Variants in MAGI2 observed in about 807,000 individuals in gnomAD.
The protein encoded by MAGI2 is membrane associated guanylate kinase, WW and PDZ domain containing 2.
A neutral mutation model predicts 133.3 loss-of-function variants in MAGI2; 35 were observed. The observed-to-expected ratio is 0.26, with a 90% CI of 0.20 to 0.35. The LOEUF is 0.35. Ranked by LOEUF, MAGI2 falls within the 10% of genes least tolerant of loss-of-function variation. The pLI is 1.00. For synonymous variants in MAGI2, 729 were observed against 710.6 expected (o/e 1.03, Z -0.41); for missense variants, 1,636 against 1,863.4 (o/e 0.88, Z 2.25).
At chr7:79,214,403 C>CTA (rs1563003342) in intron 1 of MAGI2, among the ~76,000 whole-genome samples, 34 of 41,440 alleles carry the variant, frequency 8.2e-4, no homozygotes, top group East Asian at 1.7e-3. Context: ...CTCTCTCTCT[C>CTA]TCTCTATATA....
At chr7:79,119,036 G>A (rs1819652655) in intron 1 of MAGI2, among the ~76,000 whole-genome samples, 2 of 152,076 alleles carry the variant, frequency 1.3e-5, no homozygotes, top group African/African-American at 2.4e-5. Context: ...TGGTCACAGA[G>A]TTTCAGTTCT....
chr7:78,895,381 G>A (rs931791778), intron 2 of MAGI2, among the ~76,000 whole-genome samples: 8 of 152,044 alleles, frequency 5.3e-5, no homozygotes, highest in Non-Finnish European at 8.8e-5. Context: ...CCATTATAGC[G>A]ACAGAAAATG....
At chr7:79,094,887 G>A (rs1817386421) in intron 1 of MAGI2, among the ~76,000 whole-genome samples, 2 of 152,128 alleles carry the variant, frequency 1.3e-5, no homozygotes, top group South Asian at 4.1e-4. Flanking sequence ...ATGGAACATG[G>A]GTAGAATAGA....
intron 2 of MAGI2, among the ~76,000 whole-genome samples, chr7:78,802,229 CCTT>C (rs1014349947): frequency 1.3e-5 from 2 of 152,130 alleles, no homozygotes; most frequent in African/African-American, 4.8e-5. Flanking sequence ...TTTTCATAGT[CCTT>C]CTTCATTCTC....
At chr7:78,073,847 C>A (rs1475098206) in intron 21 of MAGI2, among the ~76,000 whole-genome samples, 1 of 152,170 alleles carries the variant, frequency 6.6e-6, no homozygotes, top group Non-Finnish European at 1.5e-5. Flanking sequence ...ATAGCAATAA[C>A]CAGGGTGAAG....
intron 1 of MAGI2, among the ~76,000 whole-genome samples, chr7:79,106,152 A>C (rs540654445): frequency 1.7e-4 from 26 of 152,312 alleles, no homozygotes; most frequent in Admixed American, 4.6e-4. Flanking sequence ...ACATGCAGCA[A>C]ATTGGATGAA....
At chr7:79,449,877 C>CATACATATATATATATATATAT (rs1554488321) in intron 1 of MAGI2, among the ~76,000 whole-genome samples, 1 of 120,626 alleles carries the variant, frequency 8.3e-6, no homozygotes, top group African/African-American at 3.0e-5. Flanking sequence ...GAGATATATA[C>CATACATATATATATATATATAT]ATATATATAT....
chr7:78,536,543 C>T (rs192321373), intron 3 of MAGI2, among the ~76,000 whole-genome samples: 79 of 152,138 alleles, frequency 5.2e-4, no homozygotes, highest in Non-Finnish European at 9.9e-4. Flanking sequence ...ACGATGGTAC[C>T]AATTAGGTTC....
At chr7:78,931,089 T>G (rs150479976) in intron 2 of MAGI2, among the ~76,000 whole-genome samples, 53 of 152,138 alleles carry the variant, frequency 3.5e-4, no homozygotes, top group Non-Finnish European at 6.6e-4. Flanking sequence ...GAAGGGAAAC[T>G]CATGAGATAA....
At chr7:79,208,566 T>G (rs1293948240) in intron 1 of MAGI2, among the ~76,000 whole-genome samples, 1 of 151,936 alleles carries the variant, frequency 6.6e-6, no homozygotes, top group Non-Finnish European at 1.5e-5. Context: ...AGAGAATCCT[T>G]GTACACTGCT....
intron 9 of MAGI2, among the ~76,000 whole-genome samples, chr7:78,334,357 G>C (rs537147582): frequency 8.5e-6 from 1 of 117,732 alleles, no homozygotes; most frequent in African/African-American, 3.1e-5. Context: ...GGGTAAAAAG[G>C]GTAACTAAGA....
chr7:79,282,064 A>T (rs180858331), intron 1 of MAGI2, among the ~76,000 whole-genome samples: 1 of 152,344 alleles, frequency 6.6e-6, no homozygotes, highest in Admixed American at 6.5e-5. Flanking sequence ...CAATGAAAAG[A>T]TCTCTTTCCA....
At chr7:79,428,246 T>C (rs1449858558) in intron 1 of MAGI2, among the ~76,000 whole-genome samples, 2 of 152,164 alleles carry the variant, frequency 1.3e-5, no homozygotes, top group African/African-American at 2.4e-5. Context: ...TCTGAACATA[T>C]AAGACTGTGT....
At chr7:78,046,517 C>T (rs559011379) in intron 21 of MAGI2, among the ~76,000 whole-genome samples, 1 of 152,104 alleles carries the variant, frequency 6.6e-6, no homozygotes, top group South Asian at 2.1e-4. Flanking sequence ...TTCAACATGG[C>T]TTCTGCAAGC....
chr7:79,249,945 C>A (rs995248576), intron 1 of MAGI2, among the ~76,000 whole-genome samples: 1 of 152,034 alleles, frequency 6.6e-6, no homozygotes, highest in African/African-American at 2.4e-5. Flanking sequence ...CACATTAAAT[C>A]ATTTATCGTG....
In MAGI2 at chr7:78,957,287, A is replaced by G. The variant is rs556348561; in HGVS notation, c.418+49803T>C. 3.0e-4 allele frequency among the ~76,000 whole-genome samples: 45 copies of G among 148,180 alleles called. No homozygotes were observed. In the East Asian group the frequency reaches 5.1e-3, roughly 17 times the overall value. On this transcript the variant is annotated intron_variant, in intron 2 of 21. Transcript: ENST00000354212. ...CTCAAAAAAAAAAAAAAAAAAAAAGAAAAGAAAAGAAAAAAAAATTTAGGA... is the reference window on the plus strand; with the variant it reads ...CTCAAAAAAAAAAAAAAAAAAAAAGGAAAGAAAAGAAAAAAAAATTTAGGA...
In MAGI2 at chr7:78,256,397, C is replaced by A; in HGVS notation, c.1593G>T (p.Glu531Asp). The A allele has an allele frequency of 6.2e-7, 1 of 1,613,962 alleles. No homozygotes were observed. The highest frequency in any genetic ancestry group is 1.1e-5 in the South Asian group (1 of 91,072). ...CATTGACCATCACTGGAGGTGGCCT[C>A]TCCATTATTGCAAGGGGTGGCACCA... is the stretch of plus-strand genomic sequence containing the variant. ...NSMVPPLAIMERPPPVMVNGR... is the reference protein window; with the variant it reads ...NSMVPPLAIMDRPPPVMVNGR... The change falls in exon 10 of 22, where the codon GAG becomes GAT. Residue 531 changes from glutamate to aspartate, a missense_variant. Around this residue, in one of 5 missense-constraint regions of MAGI2, gnomAD observed 920 missense variants for 1,093.5 expected, o/e 0.84. Transcript: ENST00000354212.
In MAGI2 at chr7:78,125,780, T is replaced by C. The variant is rs761497203; in HGVS notation, c.3481A>G (p.Ile1161Val). ...EKGAKGFGFS[I>V]RGGREYKMDL... ...ATTTTGTATTCCCTTCCTCCACGAATGCTGAATCCAAATCCTTTGGCTCCT... is the reference window on the plus strand; with the variant it reads ...ATTTTGTATTCCCTTCCTCCACGAACGCTGAATCCAAATCCTTTGGCTCCT... Residue 1161 changes from isoleucine (I) to valine (V), a missense_variant, in exon 20 of 22, where the codon ATT becomes GTT. Transcript: ENST00000354212. 1.2e-6 allele frequency: 2 copies of C among 1,614,182 alleles called. No homozygotes were observed. The highest frequency in any genetic ancestry group is 2.2e-5 in the South Asian group (2 of 91,082).
intron 7 of MAGI2, 36 bp downstream of exon 7, chr7:78,369,120 A>T: frequency 2.8e-6 from 4 of 1,421,498 alleles, no homozygotes; most frequent in Non-Finnish European, 3.9e-6. Context: ...TTCACAACAT[A>T]TTAATAACAA....
Sources: gnomAD v4.1 joint callset for allele counts (sites outside exome capture counted in the v4.1 genomes callset) on GRCh38, gnomAD v4.1.1 for gene constraint, gnomAD v4.1.1 regional missense constraint, MANE v1.5 for transcripts, NCBI Gene and HGNC (gene_info 2026-07-23, HGNC 2026-07-21) for gene names.